The following ATP8B4 variants were observed in gnomAD, a reference collection of about 807,000 sequenced individuals.
ATP8B4 encodes the protein ATPase phospholipid transporting 8B4 (putative).
In ATP8B4, 133 loss-of-function variants were observed where a neutral mutation model predicts 145.6. That is an observed-to-expected ratio of 0.91 (90% CI 0.79 to 1.05). The LOEUF is 1.05. Ranked by LOEUF, ATP8B4 falls within the 50% of genes least tolerant of loss-of-function variation. The pLI, the probability that ATP8B4 is intolerant of heterozygous loss-of-function variation, is 0.00. For synonymous variants in ATP8B4, 507 were observed against 492.9 expected (o/e 1.03, Z -0.38); for missense variants, 1,458 against 1,425.2 (o/e 1.02, Z -0.37).
chr15:49,914,844 T>C (rs1473159256), intron 20 of ATP8B4, among the ~76,000 whole-genome samples: 1 of 152,118 alleles, frequency 6.6e-6, no homozygotes, highest in Non-Finnish European at 1.5e-5. Context: ...AGGGAGCTAT[T>C]ACACTTTGTT....
At chr15:50,012,897 ATAT>A (rs1407068556) in intron 6 of ATP8B4, among the ~76,000 whole-genome samples, 1 of 152,172 alleles carries the variant, frequency 6.6e-6, no homozygotes, top group Non-Finnish European at 1.5e-5. Context: ...GTCTTAGCAA[ATAT>A]TAATATATAT....
At chr15:50,121,771 CA>C (rs2057273065), upstream of ATP8B4, among the ~76,000 whole-genome samples, 1 of 152,126 alleles carries the variant, frequency 6.6e-6, no homozygotes, top group Non-Finnish European at 1.5e-5. Flanking sequence ...TCTGTGTTTT[CA>C]AGAGGCCTTA....
chr15:50,093,263 CAG>C (rs1475275382), intron 2 of ATP8B4, among the ~76,000 whole-genome samples: 3 of 151,280 alleles, frequency 2.0e-5, no homozygotes, highest in Admixed American at 6.6e-5. Flanking sequence ...TAAAAAATAA[CAG>C]AATGATTATG....
chr15:49,961,563 A>T (rs1271001896), intron 14 of ATP8B4, among the ~76,000 whole-genome samples: 1 of 152,216 alleles, frequency 6.6e-6, no homozygotes, highest in African/African-American at 2.4e-5. Context: ...TCTTCATATA[A>T]ATTTTGGAAC....
intron 1 of ATP8B4, among the ~76,000 whole-genome samples, chr15:50,128,272 T>C (rs753741881): frequency 1.9e-4 from 29 of 152,172 alleles, no homozygotes; most frequent in Non-Finnish European, 3.5e-4. Context: ...TTTAGAAACA[T>C]CCAGAGAGTT....
chr15:49,920,280 G>C lies in ATP8B4; in HGVS notation c.1889C>G (p.Ala630Gly), dbSNP rs374378684. The C allele has an allele frequency of 1.2e-6, 2 of 1,613,976 alleles. No individual in the cohort carries two copies. Among genetic ancestry groups the C allele is most frequent in the African/African-American group, 2.7e-5 (2 of 74,884 alleles). The change falls in exon 18 of 28, where the codon GCT (alanine) becomes GGT (glycine). Residue 630 changes from alanine (A) to glycine (G), a missense_variant. Ala to Gly is a moderately conservative substitution (Grantham distance 60). Coordinates refer to ENST00000284509, the MANE Select transcript of ATP8B4 (RefSeq NM_024837.4). ...AATEERDERIAGLYEEIERDL... is the reference protein window; with the variant it reads ...AATEERDERIGGLYEEIERDL... The stretch of plus-strand genomic sequence containing the variant: ...TCTTTCAATTTCTTCATATAGCCCA[G>C]CTATTCGTTCATCCCTCTCTTCTGT...
chr15:49,979,431 T>C (rs989431585), intron 12 of ATP8B4, among the ~76,000 whole-genome samples, 186 bp downstream of exon 12: 2 of 152,320 alleles, frequency 1.3e-5, no homozygotes, highest in African/African-American at 2.4e-5. Context: ...ACCGCATTTA[T>C]TGTAATTTGA....
chr15:49,886,186 C>T (rs765097601), intron 23 of ATP8B4, among the ~76,000 whole-genome samples: 12 of 151,992 alleles, frequency 7.9e-5, no homozygotes, highest in Non-Finnish European at 1.6e-4. Context: ...TCAGAACCTG[C>T]TCAATAAAAG....
At chr15:49,937,758 G>A (rs1169853114) in intron 14 of ATP8B4, among the ~76,000 whole-genome samples, 1 of 152,106 alleles carries the variant, frequency 6.6e-6, no homozygotes, top group Non-Finnish European at 1.5e-5. Context: ...TTCCAGTACT[G>A]AACACACATA....
intron 2 of ATP8B4, among the ~76,000 whole-genome samples, chr15:50,085,885 T>TATATATCATATATAAA (rs2054896841): frequency 2.9e-5 from 2 of 69,390 alleles, no homozygotes; most frequent in South Asian, 1.0e-3. Flanking sequence ...ATTTATATAT[T>TATATATCATATATAAA]TATATATGAT....
intron 3 of ATP8B4, among the ~76,000 whole-genome samples, chr15:50,063,029 C>T (rs1002675728): frequency 2.6e-5 from 4 of 151,770 alleles, no homozygotes; most frequent in Non-Finnish European, 5.9e-5. Context: ...TTCATTCTAT[C>T]CTTCTGCTTC....
rs187302114 is a variant in ATP8B4, at chr15:50,002,358, C to G, written c.436-135G>C. ...AGAGTAAAAGAAGTGAGATCCTGTT[C>G]TACCTCTATGTCATATGCCCTGAAC... On this transcript the variant is annotated intron_variant, in intron 7 of 27. Transcript: ENST00000284509. 3 of 670,132 alleles carry G rather than the reference C, an allele frequency of 4.5e-6. No homozygotes were observed. In the East Asian group the frequency reaches 9.1e-5, roughly 20 times the overall value. 41.5% of individuals were successfully genotyped at this position (670,132 alleles called of 1,614,324 possible). A position where few individuals can be genotyped will look rare whatever the true frequency, so the allele number is the denominator to read the frequency against.
chr15:50,070,561 G>A (rs1008849351), intron 3 of ATP8B4, among the ~76,000 whole-genome samples: 2 of 152,182 alleles, frequency 1.3e-5, no homozygotes, highest in Admixed American at 1.3e-4. Context: ...GGGGTCCCAT[G>A]CTCCTAAGAG....
chr15:49,862,933 C>T (rs2032117516), intron 26 of ATP8B4, among the ~76,000 whole-genome samples: 1 of 152,194 alleles, frequency 6.6e-6, no homozygotes, highest in South Asian at 2.1e-4. Flanking sequence ...GAGCACAATT[C>T]TCTCTTCCAG....
At chr15:50,107,791 AAAG>A (rs1400812492) in intron 1 of ATP8B4, among the ~76,000 whole-genome samples, 2 of 152,118 alleles carry the variant, frequency 1.3e-5, no homozygotes, top group African/African-American at 2.4e-5. Context: ...CAACACACAT[AAAG>A]AAGAAGTTGG....
intron 6 of ATP8B4, among the ~76,000 whole-genome samples, chr15:50,029,148 G>A (rs1432264056): frequency 6.9e-6 from 1 of 145,196 alleles, no homozygotes; most frequent in Non-Finnish European, 1.5e-5. Context: ...CAAGAGAATC[G>A]CTTGAATCCA....
chr15:50,036,886 C>T (rs1045916985), intron 6 of ATP8B4, among the ~76,000 whole-genome samples: 33 of 152,142 alleles, frequency 2.2e-4, no homozygotes, highest in African/African-American at 1.2e-4. Flanking sequence ...TTTACAGGAT[C>T]GGCAACAATG....
At chr15:50,128,824 C>A (rs965383152) in intron 1 of ATP8B4, among the ~76,000 whole-genome samples, 8 of 152,110 alleles carry the variant, frequency 5.3e-5, no homozygotes, top group Non-Finnish European at 1.0e-4. Context: ...CTTTGGGAGG[C>A]CAAGGTGGGC....
At chr15:49,958,108 C>A (rs1220365432) in intron 14 of ATP8B4, among the ~76,000 whole-genome samples, 1 of 151,372 alleles carries the variant, frequency 6.6e-6, no homozygotes, top group African/African-American at 2.4e-5. Flanking sequence ...AAACCCTTAC[C>A]ATCTGCAAAT....
Sources: gnomAD v4.1 joint callset for allele counts (sites outside exome capture counted in the v4.1 genomes callset) on GRCh38, gnomAD v4.1.1 for gene constraint, MANE v1.5 for transcripts, NCBI Gene and HGNC (gene_info 2026-07-23, HGNC 2026-07-21) for gene names.